PCDH9: variants seen among roughly 807,000 people sequenced by gnomAD.
The protein encoded by PCDH9 is protocadherin-9.
In PCDH9, 24 loss-of-function variants were observed where a neutral mutation model predicts 70.6. That is an observed-to-expected ratio of 0.34 (90% CI 0.25 to 0.48). PCDH9 has a LOEUF of 0.48. Ranked by LOEUF, PCDH9 falls within the 20% of genes least tolerant of loss-of-function variation. PCDH9 has a pLI of 0.99. For missense variants in PCDH9, 1,281 were observed against 1,503.6 expected (o/e 0.85, Z 2.45); for synonymous variants, 562 against 558.5 (o/e 1.01, Z -0.09).
At chr13:66,572,117 G>T (rs2076741217) in intron 4 of PCDH9, among the ~76,000 whole-genome samples, 1 of 151,852 alleles carries the variant, frequency 6.6e-6, no homozygotes. Flanking sequence ...GTACATATTT[G>T]TAGGGTACAT....
intron 4 of PCDH9, among the ~76,000 whole-genome samples, chr13:66,422,999 C>A (rs1169813648): frequency 2.6e-5 from 4 of 152,026 alleles, no homozygotes; most frequent in South Asian, 2.1e-4. Flanking sequence ...CCTAGCAATA[C>A]AAACTACCAT....
chr13:66,777,163 A>C (rs892433857), intron 3 of PCDH9, among the ~76,000 whole-genome samples: 1 of 152,020 alleles, frequency 6.6e-6, no homozygotes, highest in Non-Finnish European at 1.5e-5. Flanking sequence ...ATTAGACCTA[A>C]AACCATAAAA....
chr13:67,200,115 T>G (rs2089172482), intron 2 of PCDH9, among the ~76,000 whole-genome samples: 1 of 152,074 alleles, frequency 6.6e-6, no homozygotes, highest in Non-Finnish European at 1.5e-5. Context: ...TGAATATCCT[T>G]AAAAAATGGG....
chr13:66,742,909 G>GT (rs1322955334), intron 3 of PCDH9, among the ~76,000 whole-genome samples: 17 of 128,152 alleles, frequency 1.3e-4, no homozygotes, highest in Admixed American at 1.1e-3. Context: ...CTGTAAACTA[G>GT]TTCAACCATT....
intron 4 of PCDH9, among the ~76,000 whole-genome samples, chr13:66,582,317 A>G (rs982044520): frequency 4.6e-5 from 7 of 152,122 alleles, no homozygotes; most frequent in African/African-American, 1.7e-4. Context: ...TATTTCACTC[A>G]TCTCAAAAAG....
chr13:67,188,638 A>G (rs1326798694), intron 2 of PCDH9, among the ~76,000 whole-genome samples: 7 of 152,088 alleles, frequency 4.6e-5, no homozygotes, highest in Non-Finnish European at 8.8e-5. Flanking sequence ...CTGCCCTGGA[A>G]AGCTTTTACT....
At position 66,632,871 on chromosome 13, in the gene PCDH9, T is replaced by C. The variant is rs1051534003; in HGVS notation, c.3139-1460A>G. On this transcript the variant is annotated intron_variant, in intron 3 of 4. Transcript: ENST00000377865. The stretch of plus-strand genomic sequence containing the variant: ...TGATGAATGTATATATTAAAAAATA[T>C]ATAATATACAAGTATATAATGTACA... Among the ~76,000 whole-genome samples, 4 of 151,958 alleles carry C rather than the reference T, an allele frequency of 2.6e-5. No homozygotes were observed. In the South Asian group the frequency reaches 6.2e-4, roughly 24 times the overall value.
chr13:66,626,929 A>C (rs115388636), intron 4 of PCDH9, among the ~76,000 whole-genome samples: 2,017 of 149,282 alleles, frequency 0.014, 56 homozygotes, highest in African/African-American at 0.047. Flanking sequence ...ATTGTAGGCC[A>C]GTATTATTAG....
chr13:67,100,504 A>AT (rs2086411044), intron 2 of PCDH9, among the ~76,000 whole-genome samples: 1 of 152,226 alleles, frequency 6.6e-6, no homozygotes, highest in Non-Finnish European at 1.5e-5. Flanking sequence ...AAATGCAGAA[A>AT]TGTTTCTATC....
intron 2 of PCDH9, among the ~76,000 whole-genome samples, chr13:67,142,921 A>G (rs986995036): frequency 6.6e-6 from 1 of 152,084 alleles, no homozygotes. Context: ...AGGCAGGAGA[A>G]TCGCTTGAAC....
chr13:67,124,759 G>A (rs991354441), intron 2 of PCDH9, among the ~76,000 whole-genome samples: 2 of 152,132 alleles, frequency 1.3e-5, no homozygotes, highest in Non-Finnish European at 2.9e-5. Context: ...AGTTTTGGAG[G>A]AAGAGGAGAC....
chr13:66,601,155 A>C (rs981159723), intron 4 of PCDH9, among the ~76,000 whole-genome samples: 2 of 145,822 alleles, frequency 1.4e-5, no homozygotes, highest in African/African-American at 4.9e-5. Flanking sequence ...CCTATTCTTT[A>C]GACTATAGCT....
chr13:66,828,942 G>C (rs2080873721), intron 3 of PCDH9, among the ~76,000 whole-genome samples: 1 of 151,944 alleles, frequency 6.6e-6, no homozygotes, highest in Middle Eastern at 3.2e-3. Flanking sequence ...ATCTCTATTA[G>C]GTGTTATATA....
Position 66,304,100 on chromosome 13 carries a change from T to A in PCDH9, c.*555A>T, listed in dbSNP as rs1955416845. 6.6e-6 allele frequency: 1 copy of A among 152,174 alleles called. No individual in the cohort carries two copies. Among genetic ancestry groups the A allele is most frequent in the African/African-American group, 2.4e-5 (1 of 41,340 alleles). 9.4% of individuals were successfully genotyped at this position (152,174 alleles called of 1,614,324 possible). On this transcript the variant is annotated 3_prime_UTR_variant, in exon 5 of 5. Transcript: ENST00000377865. ...GGTGAACATTATAAGTACACAAAAGTTGTTAATAATAGCTTGCTTCTATTT... is the reference window on the plus strand; with the variant it reads ...GGTGAACATTATAAGTACACAAAAGATGTTAATAATAGCTTGCTTCTATTT...
rs998017183 is a variant in PCDH9 at position 67,205,365 on chromosome 13, A to G, written c.3036+20040T>C. ...TGAATACTGCTTTTTAATTAGAGTA[A>G]TTGAAATATTTCTGCTTACTATACT... On this transcript the variant is annotated intron_variant, in intron 2 of 4. Coordinates refer to ENST00000377865, the MANE Select transcript of PCDH9 (RefSeq NM_203487.3). 7 of 152,124 alleles carry G rather than the reference A, an allele frequency of 4.6e-5. No individual in the cohort carries two copies. In the East Asian group the frequency reaches 1.3e-3, roughly 29 times the overall value. 9.4% of individuals were successfully genotyped at this position (152,124 alleles called of 1,614,324 possible).
intron 2 of PCDH9, among the ~76,000 whole-genome samples, chr13:67,093,180 T>G (rs2086252876): frequency 6.6e-6 from 1 of 152,156 alleles, no homozygotes; most frequent in African/African-American, 2.4e-5. Flanking sequence ...ATAGATCAGG[T>G]GCCGTGGCTC....
intron 3 of PCDH9, among the ~76,000 whole-genome samples, chr13:66,863,039 A>G (rs552522606): frequency 1.3e-5 from 2 of 152,210 alleles, no homozygotes; most frequent in African/African-American, 2.4e-5. Context: ...TCACATTTTC[A>G]AGTACATAAC....
intron 3 of PCDH9, among the ~76,000 whole-genome samples, chr13:66,703,818 T>C (rs780210084): frequency 7.9e-5 from 12 of 151,966 alleles, no homozygotes; most frequent in Non-Finnish European, 1.5e-4. Context: ...GGTTGATTGA[T>C]TGAGCCTGGG....
intron 4 of PCDH9, among the ~76,000 whole-genome samples, chr13:66,449,716 A>G (rs1430730803): frequency 3.3e-5 from 5 of 152,204 alleles, no homozygotes; most frequent in Non-Finnish European, 7.4e-5. Context: ...ATGCATTTAA[A>G]TGTATGCATA....
Sources: gnomAD v4.1 joint callset for allele counts (sites outside exome capture counted in the v4.1 genomes callset) on GRCh38, gnomAD v4.1.1 for gene constraint, MANE v1.5 for transcripts, NCBI Gene and HGNC (gene_info 2026-07-23, HGNC 2026-07-21) for gene names.